Variants in LYPD6 observed in about 807,000 individuals in gnomAD.
LYPD6 encodes the protein LY6/PLAUR domain containing 6.
In LYPD6, 15 loss-of-function variants were observed where a neutral mutation model predicts 22.7. The ratio of observed to expected loss-of-function variants is 0.66; its 90% CI spans 0.44 to 1.02. LYPD6 has a LOEUF of 1.02. Among genes scored for constraint, LYPD6 ranks in the 50% least tolerant of loss-of-function variants. LYPD6 has a pLI of 0.00. For missense variants in LYPD6, 189 were observed against 208.4 expected, an observed-to-expected ratio of 0.91 and a Z score of 0.57; for synonymous variants, 72 against 77.5, an observed-to-expected ratio of 0.93 and a Z score of 0.37.
At chr2:149,446,458 A>C (rs758090171) in intron 2 of LYPD6, among the ~76,000 whole-genome samples, 1 of 152,176 alleles carries the variant, frequency 6.6e-6, no homozygotes, top group East Asian at 1.9e-4. Flanking sequence ...CCAAAATAGA[A>C]CCTTTCAATT....
At chr2:149,365,917 C>G (rs1009839415) in intron 1 of LYPD6, among the ~76,000 whole-genome samples, 2 of 152,148 alleles carry the variant, frequency 1.3e-5, no homozygotes, top group Non-Finnish European at 2.9e-5. Flanking sequence ...CTAACCCTGG[C>G]TATCAGGGCA....
intron 1 of LYPD6, among the ~76,000 whole-genome samples, chr2:149,341,311 C>T (rs1681156136): frequency 6.6e-6 from 1 of 152,138 alleles, no homozygotes; most frequent in Non-Finnish European, 1.5e-5. Flanking sequence ...CCTTCAAAGC[C>T]TAGTTCAATG....
intron 1 of LYPD6, among the ~76,000 whole-genome samples, chr2:149,368,605 T>C (rs1369155642): frequency 6.6e-6 from 1 of 152,116 alleles, no homozygotes; most frequent in Non-Finnish European, 1.5e-5. Context: ...TTCTTGGATG[T>C]TGTTCCAGGG....
the LYPD6 span, among the ~76,000 whole-genome samples, chr2:149,484,533 C>T: frequency 8.9e-6 from 1 of 112,198 alleles, no homozygotes; most frequent in East Asian, 3.3e-4. Context: ...AAACACAGAC[C>T]TTCCTAGCTC....
At chr2:149,338,542 G>A (rs1156305637) in intron 1 of LYPD6, among the ~76,000 whole-genome samples, 1 of 152,114 alleles carries the variant, frequency 6.6e-6, no homozygotes, top group Non-Finnish European at 1.5e-5. Context: ...GAGGTTGAAA[G>A]GAGCTCCCTT....
chr2:149,399,662 GA>G (rs999782144), intron 1 of LYPD6, among the ~76,000 whole-genome samples: 8 of 146,492 alleles, frequency 5.5e-5, no homozygotes, highest in Non-Finnish European at 7.6e-5. Context: ...AATAAAAGTG[GA>G]AAAAAACCAA....
At chr2:149,464,163 G>A in intron 3 of LYPD6, 1 of 396,556 alleles carries the variant, frequency 2.5e-6, no homozygotes, top group Admixed American at 3.9e-5. Context: ...GTTTTGATCA[G>A]GAACCATGAT....
At chr2:149,448,983 T>G (rs1683748233) in intron 2 of LYPD6, 66 bp from the exon 3 acceptor site, 1 of 1,221,048 alleles carries the variant, frequency 8.2e-7, no homozygotes, top group South Asian at 1.4e-5. Flanking sequence ...AATGAAAATG[T>G]CTTAACTTCA....
intron 1 of LYPD6, among the ~76,000 whole-genome samples, chr2:149,356,197 C>T (rs1450959932): frequency 6.6e-6 from 1 of 151,832 alleles, no homozygotes; most frequent in Non-Finnish European, 1.5e-5. Flanking sequence ...GTACACATCT[C>T]ATAGTTTATG....
chr2:149,360,622 T>C (rs77689692), intron 1 of LYPD6, among the ~76,000 whole-genome samples: 52 of 152,092 alleles, frequency 3.4e-4, no homozygotes, highest in South Asian at 4.2e-4. Flanking sequence ...TTTTTTTTTT[T>C]CCCTCTGGAC....
At chr2:149,370,766 C>G (rs1424432225) in intron 1 of LYPD6, 1 of 152,232 alleles carries the variant, frequency 6.6e-6, no homozygotes, top group African/African-American at 2.4e-5. Context: ...GTCACTCCAG[C>G]CTGGGCAACA....
In LYPD6 at chr2:149,445,125, T is replaced by C. The variant is rs142354410; in HGVS notation, c.119-3924T>C. Reference sequence around the variant, plus strand: ...TTGTAGATCTCCTACAGCTCTTGAGTGACCAGCTGTATTGCCAATGAGCAG... The same window carrying C: ...TTGTAGATCTCCTACAGCTCTTGAGCGACCAGCTGTATTGCCAATGAGCAG... On this transcript the variant is annotated intron_variant, in intron 2 of 4. Coordinates refer to ENST00000334166, the MANE Select transcript of LYPD6 (RefSeq NM_194317.5). 3.2e-3 allele frequency among the ~76,000 whole-genome samples: 485 copies of C among 151,672 alleles called. 2 individuals are homozygous for C. Among genetic ancestry groups the C allele is most frequent in the African/African-American group, 0.011 (455 of 41,292 alleles).
chr2:149,470,725 C>T lies in LYPD6; in HGVS notation c.391C>T (p.Leu131=), dbSNP rs763279405. 1 of 1,613,810 alleles carries T rather than the reference C, an allele frequency of 6.2e-7. No homozygotes were observed. Among genetic ancestry groups the T allele is most frequent in the Non-Finnish European group, 8.5e-7 (1 of 1,179,782 alleles). ...TGAAGGAAATATCTGTAACTTGCCA[C>T]TGCCCCGAAATGAAACTGATGCCAC... ...CCEGNICNLP[L]PRNETDATFA... is the part of the protein sequence containing the mutation. The change falls in exon 5 of 5, where the codon CTG becomes TTG. Residue 131 remains leucine (L), a synonymous_variant. Coordinates refer to ENST00000334166, the MANE Select transcript of LYPD6 (RefSeq NM_194317.5).
At chr2:149,380,768 A>C (rs1290558971) in intron 1 of LYPD6, among the ~76,000 whole-genome samples, 2 of 152,218 alleles carry the variant, frequency 1.3e-5, no homozygotes, top group Non-Finnish European at 2.9e-5. Flanking sequence ...TAAAGCCATC[A>C]GCCTGGATGA....
intron 1 of LYPD6, 64 bp from the exon 2 acceptor site, chr2:149,437,574 T>C (rs149501763): frequency 6.9e-7 from 1 of 1,446,600 alleles, no homozygotes; most frequent in Non-Finnish European, 9.3e-7. Context: ...GCATGGGAGC[T>C]CAGCCAAGCC....
rs1681385023 is a variant in LYPD6, at chr2:149,473,290, T to A, written c.*2440T>A. The A allele has an allele frequency of 6.6e-6, 1 of 152,638 alleles. No homozygotes were observed. Among genetic ancestry groups the A allele is most frequent in the South Asian group, 2.1e-4 (1 of 4,824 alleles). The allele number at this position is 152,638 out of a possible 1,614,324, so 9.5% of individuals were successfully genotyped here. On this transcript the variant is annotated 3_prime_UTR_variant, in exon 5 of 5. Transcript: ENST00000334166. ...CAGACTCTGCATAGATGTTGCTGCA[T>A]GTGTCCCATGTGCCTGTCAGAATGG...
chr2:149,393,884 A>G (rs946823651), intron 1 of LYPD6, among the ~76,000 whole-genome samples: 2 of 152,208 alleles, frequency 1.3e-5, no homozygotes, highest in South Asian at 4.1e-4. Flanking sequence ...TGCCAAAAAG[A>G]TAGGGCAGTG....
At chr2:149,484,800 G>A in the LYPD6 span, among the ~76,000 whole-genome samples, 1 of 151,892 alleles carries the variant, frequency 6.6e-6, no homozygotes, top group African/African-American at 2.4e-5. Context: ...GAGTAATTTA[G>A]GTTAAAAAAA....
At chr2:149,468,327 G>C (rs1196659) in intron 3 of LYPD6, among the ~76,000 whole-genome samples, 128,985 of 152,016 alleles carry the variant, frequency 0.85, 55,139 homozygotes, top group East Asian at 1. Flanking sequence ...AATCATCCCC[G>C]CAAAACCACT....
Sources: allele counts gnomAD v4.1 joint callset (sites outside exome capture counted in the v4.1 genomes callset), GRCh38; gene constraint gnomAD v4.1.1; transcripts MANE v1.5; gene names NCBI Gene and HGNC (gene_info 2026-07-23, HGNC 2026-07-21).